The following ZBBX variants were observed in gnomAD, a reference collection of about 807,000 sequenced individuals.
ZBBX encodes zinc finger B-box domain containing, also known as zinc finger B-box domain-containing protein 1.
A neutral mutation model predicts 108.5 loss-of-function variants in ZBBX; 101 were observed. The observed-to-expected ratio is 0.93, with a 90% confidence interval of 0.79 to 1.10. The LOEUF (loss-of-function observed/expected upper bound fraction) is 1.10, where lower values mean the gene tolerates loss of function less well. ZBBX is among the 50% of genes least tolerant of loss of function. ZBBX has a pLI of 0.00. For synonymous variants in ZBBX, 356 were observed against 323.4 expected, an observed-to-expected ratio of 1.10 and a Z score of -1.08; for missense variants, 1,009 against 941.4, an observed-to-expected ratio of 1.07 and a Z score of -0.94.
chr3:167,223,890 T>G, the ZBBX span, among the ~76,000 whole-genome samples: 1 of 151,940 alleles, frequency 6.6e-6, no homozygotes, highest in Non-Finnish European at 1.5e-5. Context: ...ACAGAATGAT[T>G]TCTCTACGGT....
chr3:167,350,341 A>G, intron 9 of ZBBX, 79 bp downstream of exon 9: 1 of 1,096,942 alleles, frequency 9.1e-7, no homozygotes, highest in East Asian at 2.5e-5. Flanking sequence ...AGTTCTAGAT[A>G]ACTAAAGACA....
the ZBBX span, among the ~76,000 whole-genome samples, chr3:167,190,454 C>G: frequency 6.7e-6 from 1 of 148,654 alleles, no homozygotes; most frequent in African/African-American, 2.5e-5. Context: ...AATCTCGGCT[C>G]ACTGCAAGCT....
At position 167,282,766 on chromosome 3, in the gene ZBBX, G is replaced by A. The variant is rs967215361; in HGVS notation, c.1997-271C>T. On this transcript the variant is annotated intron_variant, in intron 19 of 21. Transcript: ENST00000675490. ...CAAACTAATTTTAATATTCACAAAG[G>A]AAAATATCTATAAACTAAGTCAACT... 7.9e-5 allele frequency among the ~76,000 whole-genome samples: 12 copies of A among 151,882 alleles called. No homozygotes were observed. In the South Asian group the frequency reaches 8.3e-4, roughly 11 times the overall value.
intron 9 of ZBBX, among the ~76,000 whole-genome samples, chr3:167,348,460 A>T (rs1742082487): frequency 7.9e-6 from 1 of 125,856 alleles, no homozygotes. Flanking sequence ...GAGAAAGAGG[A>T]AAGAAAGAAA....
chr3:167,303,311 C>T (rs1482988170), intron 17 of ZBBX, among the ~76,000 whole-genome samples: 1 of 152,128 alleles, frequency 6.6e-6, no homozygotes, highest in Non-Finnish European at 1.5e-5. Flanking sequence ...TGATCTCTAC[C>T]TTCCTTTATA....
the ZBBX span, among the ~76,000 whole-genome samples, chr3:167,197,236 G>C: frequency 6.6e-6 from 1 of 152,070 alleles, no homozygotes; most frequent in Non-Finnish European, 1.5e-5. Context: ...TCTCATTAAG[G>C]AGTTAAGAAT....
intron 18 of ZBBX, among the ~76,000 whole-genome samples, chr3:167,293,277 T>A: frequency 6.6e-6 from 1 of 152,172 alleles, no homozygotes; most frequent in East Asian, 1.9e-4. Context: ...ATATCCCTGA[T>A]GAATATCTAT....
At chr3:167,344,695 C>T (rs1438555815) in intron 9 of ZBBX, among the ~76,000 whole-genome samples, 3 of 151,658 alleles carry the variant, frequency 2.0e-5, no homozygotes, top group South Asian at 2.1e-4. Flanking sequence ...AAGGAATACA[C>T]CTGATTTAGA....
At chr3:167,400,856 AT>A (rs569987456) in intron 1 of ZBBX, among the ~76,000 whole-genome samples, 1 of 152,028 alleles carries the variant, frequency 6.6e-6, no homozygotes, top group Non-Finnish European at 1.5e-5. Context: ...AAATGGTTGC[AT>A]TTTTTTGAGT....
rs1720418770 is a variant in ZBBX, at chr3:167,239,990, T to G, written c.*803A>C. Among the ~76,000 whole-genome samples the G allele has an allele frequency of 6.6e-6, 1 of 152,074 alleles. No individual in the cohort carries two copies. The highest frequency in any genetic ancestry group is 2.1e-4 in the South Asian group (1 of 4,830). On this transcript the variant is annotated 3_prime_UTR_variant, in exon 22 of 22. Transcript: ENST00000675490. Reference sequence around the variant, plus strand: ...CCTGAGCAAAAGGGGGGACAGCCCCTTATAAAACCATCAGATCACATGAGA... The same window carrying G: ...CCTGAGCAAAAGGGGGGACAGCCCCGTATAAAACCATCAGATCACATGAGA...
intron 1 of ZBBX, among the ~76,000 whole-genome samples, chr3:167,391,769 G>A (rs1748090002): frequency 6.6e-6 from 1 of 151,678 alleles, no homozygotes; most frequent in African/African-American, 2.4e-5. Flanking sequence ...TCACAAATAT[G>A]TTAAATTTTA....
At position 167,359,894 on chromosome 3, in the gene ZBBX, C is replaced by T. The variant is rs776155691; in HGVS notation, c.408G>A (p.Gln136=). ...KPKINGKVCG[Q]CENKAALLVC... ...CCAGTAGAGCAGCTTTGTTCTCACA[C>T]TGTCCACATACTTTCCCATTTATCT... Residue 136 remains glutamine (Q), a synonymous_variant, in exon 8 of 22, where the codon CAG becomes CAA. Transcript: ENST00000675490. 18 of 1,553,248 alleles carry T rather than the reference C, an allele frequency of 1.2e-5. No homozygotes were observed. The Admixed American group carries it at 2.5e-4, about 22-fold the overall frequency.
At chr3:167,181,930 C>T in the ZBBX span, among the ~76,000 whole-genome samples, 1 of 152,064 alleles carries the variant, frequency 6.6e-6, no homozygotes, top group East Asian at 1.9e-4. Context: ...CATAAATCTA[C>T]TGTGGCACTA....
chr3:167,241,056 A>G, intron 21 of ZBBX, 137 bp from the exon 22 acceptor site: 2 of 832,032 alleles, frequency 2.4e-6, no homozygotes, highest in Admixed American at 3.2e-5. Context: ...GACTGGGGCC[A>G]TAATTTTCAA....
chr3:167,311,789 G>T (rs1370386290), intron 16 of ZBBX, among the ~76,000 whole-genome samples: 1 of 152,132 alleles, frequency 6.6e-6, no homozygotes, highest in Non-Finnish European at 1.5e-5. Context: ...CCAGATGATG[G>T]TGAGGATATG....
intron 6 of ZBBX, among the ~76,000 whole-genome samples, chr3:167,363,593 T>G (rs537733456): frequency 6.6e-6 from 1 of 150,520 alleles, no homozygotes; most frequent in African/African-American, 2.4e-5. Context: ...ACCCAGCAAC[T>G]GGCACCTCTT....
At chr3:167,332,544 G>A (rs991718633) in intron 10 of ZBBX, among the ~76,000 whole-genome samples, 3 of 152,050 alleles carry the variant, frequency 2.0e-5, no homozygotes, top group African/African-American at 7.2e-5. Context: ...TTCTAGTAAG[G>A]CTAGTTACTG....
At chr3:167,383,582 A>G (rs1747813423), upstream of ZBBX, among the ~76,000 whole-genome samples, 2 of 152,110 alleles carry the variant, frequency 1.3e-5, no homozygotes, top group Non-Finnish European at 2.9e-5. Context: ...CCTATCATCC[A>G]TGACACAGAA....
At chr3:167,187,975 A>G in the ZBBX span, among the ~76,000 whole-genome samples, 1 of 152,176 alleles carries the variant, frequency 6.6e-6, no homozygotes, top group East Asian at 1.9e-4. Context: ...CAAACCCTGG[A>G]ATCCTAGGAA....
Sources: allele counts gnomAD v4.1 joint callset (sites outside exome capture counted in the v4.1 genomes callset), GRCh38; gene constraint gnomAD v4.1.1; transcripts MANE v1.5; gene names NCBI Gene and HGNC (gene_info 2026-07-23, HGNC 2026-07-21).